Variants in RBKS observed in about 807,000 individuals in gnomAD.
The protein encoded by RBKS is ribokinase.
In RBKS, 33 loss-of-function variants were observed where a neutral mutation model predicts 33.9. That is an observed-to-expected ratio of 0.97 (90% CI 0.74 to 1.30). The LOEUF is 1.30. Ranked by LOEUF, RBKS falls within the 50% of genes most tolerant of loss-of-function variation. The pLI, the probability that RBKS is intolerant of heterozygous loss-of-function variation, is 0.00. For missense variants in RBKS, 361 were observed against 392.6 expected (o/e 0.92, Z 0.68); for synonymous variants, 125 against 143.0 (o/e 0.87, Z 0.90).
At position 27,797,712 on chromosome 2, in the gene RBKS, G is replaced by A. The variant is rs562626537; in HGVS notation, c.796-15924C>T. Among the ~76,000 whole-genome samples the A allele has an allele frequency of 7.9e-5, 12 of 152,274 alleles. No homozygotes were observed. The South Asian group carries it at 1.9e-3, about 24-fold the overall frequency. On this transcript the variant is annotated intron_variant, in intron 7 of 7. Coordinates refer to ENST00000302188, the MANE Select transcript of RBKS (RefSeq NM_022128.3). ...GCAGGAGCAGAGAACATGAACTAGC[G>A]TTGTCCTGGGCAGGTGTGGGAGAGG...
chr2:27,834,099 T>C (rs1028812884), intron 5 of RBKS, among the ~76,000 whole-genome samples: 1 of 152,222 alleles, frequency 6.6e-6, no homozygotes, highest in Non-Finnish European at 1.5e-5. Context: ...AAGTTCTCCA[T>C]GAGGCTCTCA....
intron 2 of RBKS, among the ~76,000 whole-genome samples, chr2:27,848,655 A>C (rs1309980568): frequency 6.6e-6 from 1 of 152,182 alleles, no homozygotes; most frequent in Non-Finnish European, 1.5e-5. Flanking sequence ...TTTCTGTCCC[A>C]TTCTATAGAC....
chr2:27,799,139 A>G (rs1677724413), intron 7 of RBKS, among the ~76,000 whole-genome samples: 1 of 152,208 alleles, frequency 6.6e-6, no homozygotes, highest in Non-Finnish European at 1.5e-5. Flanking sequence ...GAGGATGACA[A>G]TGGAACAGAT....
intron 7 of RBKS, among the ~76,000 whole-genome samples, chr2:27,782,193 G>A (rs375500546): frequency 5.3e-5 from 8 of 150,410 alleles, no homozygotes; most frequent in Non-Finnish European, 1.0e-4. Flanking sequence ...ACATGGTCTC[G>A]CTCTGTTGCC....
chr2:27,875,812 C>T (rs1001018886), intron 1 of RBKS, among the ~76,000 whole-genome samples: 1 of 152,160 alleles, frequency 6.6e-6, no homozygotes, highest in African/African-American at 2.4e-5. Flanking sequence ...ATGAGGTTTA[C>T]TGAGCTCCTT....
intron 3 of RBKS, 143 bp from the exon 4 acceptor site, chr2:27,847,247 G>C: frequency 1.8e-6 from 1 of 555,384 alleles, no homozygotes. Flanking sequence ...TAAGTAATTA[G>C]TGCTAATTTA....
rs1553374160 is a variant in RBKS, at chr2:27,789,971, A to ATG, written c.796-8185_796-8184dup. Among the ~76,000 whole-genome samples, 683 of 128,616 alleles carry ATG rather than the reference A, an allele frequency of 5.3e-3. 3 individuals carry two copies. In the Middle Eastern group the frequency reaches 0.068, roughly 13 times the overall value. The allele number at this position is 128,616 out of a possible 152,430, so 84.4% of individuals were successfully genotyped here. ...TGTGTATATATATATATATATATAT[A>ATG]TGTATATATATATGTAGAGAGAGAG... On this transcript the variant is annotated intron_variant, in intron 7 of 7. Coordinates refer to ENST00000302188, the MANE Select transcript of RBKS (RefSeq NM_022128.3).
chr2:27,849,559 C>CAAAAAAAAAAAAAA (rs70953894), intron 2 of RBKS, among the ~76,000 whole-genome samples: 307 of 28,010 alleles, frequency 0.011, no homozygotes, highest in Non-Finnish European at 0.015. Context: ...GACTCTGTCT[C>CAAAAAAAAAAAAAA]AAAAAAAAAA....
At chr2:27,840,500 C>T (rs1663471839) in intron 5 of RBKS, among the ~76,000 whole-genome samples, 1 of 151,916 alleles carries the variant, frequency 6.6e-6, no homozygotes, top group Admixed American at 6.6e-5. Context: ...GTAATGGACA[C>T]ATGAGTGTGT....
chr2:27,817,396 A>T (rs571985755), intron 7 of RBKS, among the ~76,000 whole-genome samples: 2 of 152,330 alleles, frequency 1.3e-5, no homozygotes, highest in Non-Finnish European at 2.9e-5. Flanking sequence ...TCCAGGTTTG[A>T]TCATTCACTG....
chr2:27,797,676 G>C (rs1488151279), intron 7 of RBKS, among the ~76,000 whole-genome samples: 1 of 152,166 alleles, frequency 6.6e-6, no homozygotes, highest in Non-Finnish European at 1.5e-5. Flanking sequence ...ATTTTCCTCT[G>C]TGTGCTTGTG....
At chr2:27,801,966 ATATAT>A (rs1677800004) in intron 7 of RBKS, among the ~76,000 whole-genome samples, 2 of 54,824 alleles carry the variant, frequency 3.6e-5, no homozygotes, top group African/African-American at 8.8e-5. Flanking sequence ...AAAAAAAAAT[ATATAT>A]ATATATATAT....
chr2:27,782,447 T>C, intron 7 of RBKS: 1 of 233,174 alleles, frequency 4.3e-6, no homozygotes, highest in Non-Finnish European at 9.7e-6. Flanking sequence ...GCATCCCAAA[T>C]GGTGGGATTA....
At chr2:27,819,286 G>C (rs1186303064) in intron 7 of RBKS, among the ~76,000 whole-genome samples, 1 of 151,716 alleles carries the variant, frequency 6.6e-6, no homozygotes, top group African/African-American at 2.4e-5. Flanking sequence ...TGTGCACACA[G>C]AGAGAGAGAG....
At chr2:27,854,768 T>C (rs1173778162) in intron 2 of RBKS, among the ~76,000 whole-genome samples, 1 of 151,342 alleles carries the variant, frequency 6.6e-6, no homozygotes, top group Non-Finnish European at 1.5e-5. Flanking sequence ...TTTTTTTTAA[T>C]ATTTAACAGC....
intron 1 of RBKS, among the ~76,000 whole-genome samples, chr2:27,889,440 G>A (rs1420489549): frequency 1.3e-5 from 2 of 152,154 alleles, no homozygotes; most frequent in African/African-American, 2.4e-5. Flanking sequence ...GCAGTAATTG[G>A]AGTGGTAGGA....
intron 2 of RBKS, among the ~76,000 whole-genome samples, chr2:27,850,763 A>T (rs921089141): frequency 2.0e-5 from 3 of 152,256 alleles, no homozygotes; most frequent in Non-Finnish European, 4.4e-5. Context: ...TTATGAATAA[A>T]GCTGCTATAA....
At chr2:27,825,797 T>C (rs369200541) in intron 7 of RBKS, among the ~76,000 whole-genome samples, 16 of 152,364 alleles carry the variant, frequency 1.1e-4, no homozygotes, top group African/African-American at 3.6e-4. Flanking sequence ...TCCTTTTTCC[T>C]GCATAAGCCT....
intron 2 of RBKS, among the ~76,000 whole-genome samples, chr2:27,853,353 G>GAAAA (rs71401587): frequency 7.7e-5 from 5 of 64,594 alleles, no homozygotes; most frequent in Non-Finnish European, 1.2e-4. Context: ...ACCTGTCTCT[G>GAAAA]AAAAAAAAAA....
Sources: gnomAD v4.1 joint callset for allele counts (sites outside exome capture counted in the v4.1 genomes callset) on GRCh38, gnomAD v4.1.1 for gene constraint, MANE v1.5 for transcripts, NCBI Gene and HGNC (gene_info 2026-07-23, HGNC 2026-07-21) for gene names.